OPCML: variants seen among roughly 807,000 people sequenced by gnomAD.
OPCML encodes opioid binding protein/cell adhesion molecule like, also known as opioid-binding protein/cell adhesion molecule.
Under a neutral mutation model 37.8 loss-of-function variants are expected in OPCML, and 13 were observed. The ratio of observed to expected loss-of-function variants is 0.34; its 90% confidence interval spans 0.22 to 0.55. The LOEUF is 0.55. Ranked by LOEUF, OPCML falls within the 20% of genes least tolerant of loss-of-function variation. The pLI is 0.91. For missense variants in OPCML, 341 were observed against 435.6 expected, an observed-to-expected ratio of 0.78 and a Z score of 1.93; for synonymous variants, 176 against 168.8, an observed-to-expected ratio of 1.04 and a Z score of -0.33.
intron 2 of OPCML, among the ~76,000 whole-genome samples, chr11:132,851,061 G>A (rs1233946980): frequency 1.3e-5 from 2 of 152,170 alleles, no homozygotes; most frequent in Non-Finnish European, 2.9e-5. Flanking sequence ...ACCTCTAATT[G>A]AAATGTAGCA....
chr11:132,497,887 A>T (rs1469138461), intron 4 of OPCML, among the ~76,000 whole-genome samples: 3 of 152,138 alleles, frequency 2.0e-5, no homozygotes, highest in East Asian at 3.9e-4. Context: ...ACTTTTTTAA[A>T]TTTTTTTAAA....
At chr11:132,724,771 T>C (rs1430000544) in intron 2 of OPCML, among the ~76,000 whole-genome samples, 2 of 152,170 alleles carry the variant, frequency 1.3e-5, no homozygotes, top group African/African-American at 4.8e-5. Flanking sequence ...AATACAGCCA[T>C]TCCAAACGGA....
intron 2 of OPCML, among the ~76,000 whole-genome samples, chr11:132,756,321 T>C (rs73601336): frequency 0.02 from 3,084 of 152,226 alleles, 84 homozygotes; most frequent in African/African-American, 0.068. Flanking sequence ...AGATGAGAAA[T>C]AACTGAAGAC....
intron 1 of OPCML, among the ~76,000 whole-genome samples, chr11:133,243,455 T>A (rs1940805108): frequency 2.0e-5 from 3 of 152,164 alleles, no homozygotes; most frequent in African/African-American, 7.2e-5. Flanking sequence ...CATTTATTCT[T>A]CCAGGTGCAA....
At chr11:132,822,927 A>C (rs979818830) in intron 2 of OPCML, among the ~76,000 whole-genome samples, 1 of 152,196 alleles carries the variant, frequency 6.6e-6, no homozygotes, top group African/African-American at 2.4e-5. Flanking sequence ...TGAAGACTAT[A>C]ATCATATCCA....
chr11:133,000,093 G>A (rs1446751516), intron 1 of OPCML, among the ~76,000 whole-genome samples: 1 of 152,188 alleles, frequency 6.6e-6, no homozygotes, highest in Non-Finnish European at 1.5e-5. Context: ...GTCTCACTCT[G>A]TTGGCCAGGC....
chr11:132,984,363 A>G (rs974584740), intron 1 of OPCML, among the ~76,000 whole-genome samples: 1 of 152,226 alleles, frequency 6.6e-6, no homozygotes, highest in Non-Finnish European at 1.5e-5. Context: ...TATGTTATAT[A>G]TTCCTCAGTA....
At chr11:133,479,990 A>C (rs1260166143) in intron 1 of OPCML, among the ~76,000 whole-genome samples, 1 of 152,192 alleles carries the variant, frequency 6.6e-6, no homozygotes, top group Non-Finnish European at 1.5e-5. Flanking sequence ...CAAAATCAAG[A>C]AAAAGGGGAA....
intron 1 of OPCML, among the ~76,000 whole-genome samples, chr11:133,366,582 G>A (rs1318182142): frequency 1.3e-5 from 2 of 152,148 alleles, no homozygotes; most frequent in East Asian, 3.9e-4. Context: ...ATCCCTTCAT[G>A]ATGGGGAGAA....
chr11:132,891,226 C>G (rs1182693637), intron 2 of OPCML, among the ~76,000 whole-genome samples: 1 of 152,072 alleles, frequency 6.6e-6, no homozygotes, highest in African/African-American at 2.4e-5. Flanking sequence ...GTTCAAGTGT[C>G]AACTTCACTG....
intron 1 of OPCML, among the ~76,000 whole-genome samples, chr11:133,099,589 A>AT (rs2137069401): frequency 6.6e-6 from 1 of 151,668 alleles, no homozygotes; most frequent in South Asian, 2.1e-4. Flanking sequence ...GCCTGGCCTG[A>AT]TTTTTTAATA....
intron 1 of OPCML, among the ~76,000 whole-genome samples, chr11:133,091,860 G>A (rs1323120695): frequency 3.9e-5 from 6 of 152,072 alleles, no homozygotes; most frequent in Admixed American, 2.6e-4. Context: ...ATGCTGAAAT[G>A]CATTAAGACT....
intron 3 of OPCML, among the ~76,000 whole-genome samples, chr11:132,576,827 C>A (rs2096452100): frequency 6.6e-6 from 1 of 152,114 alleles, no homozygotes; most frequent in Non-Finnish European, 1.5e-5. Flanking sequence ...AAGCAGACAG[C>A]TGTGTTTCTG....
chr11:132,435,296 G>T (rs1329819618), intron 7 of OPCML: 1 of 1,270,228 alleles, frequency 7.9e-7, no homozygotes, highest in Non-Finnish European at 1.0e-6. Flanking sequence ...AGTGCTGAAA[G>T]CTTGTGTCTG....
intron 1 of OPCML, among the ~76,000 whole-genome samples, chr11:133,396,203 C>T (rs2136824542): frequency 6.6e-6 from 1 of 151,568 alleles, no homozygotes; most frequent in South Asian, 2.1e-4. Context: ...TAGAGAAATG[C>T]TACTGATTTG....
In OPCML at chr11:133,119,043, G is replaced by T. The variant is rs570686987; in HGVS notation, c.62-176033C>A. Among the ~76,000 whole-genome samples, 3 of 152,308 alleles carry T rather than the reference G, an allele frequency of 2.0e-5. No individual in the cohort carries two copies. In the South Asian group the frequency reaches 6.2e-4, roughly 32 times the overall value. On this transcript the variant is annotated intron_variant, in intron 1 of 7. Coordinates refer to ENST00000524381, the MANE Select transcript of OPCML (RefSeq NM_001012393.5). ...TCCTTTGGATAATCACTTTTTTAGA[G>T]GCCAACTGTGCATATAAATAGCACA...
intron 2 of OPCML, among the ~76,000 whole-genome samples, chr11:132,685,968 T>C (rs1943146037): frequency 6.6e-6 from 1 of 152,212 alleles, no homozygotes; most frequent in Non-Finnish European, 1.5e-5. Flanking sequence ...CCTCTATTAT[T>C]GTTCTGGTGG....
intron 1 of OPCML, among the ~76,000 whole-genome samples, chr11:133,070,533 G>C (rs1201063995): frequency 6.6e-6 from 1 of 152,188 alleles, no homozygotes; most frequent in Admixed American, 6.5e-5. Context: ...GGACGAAGGG[G>C]ACTGGCTACA....
intron 1 of OPCML, among the ~76,000 whole-genome samples, chr11:133,184,814 A>G (rs1938000481): frequency 6.6e-6 from 1 of 152,220 alleles, no homozygotes; most frequent in East Asian, 1.9e-4. Flanking sequence ...TACAGGATAT[A>G]TGGAAATCTT....
Sources: gnomAD v4.1 joint callset for allele counts (sites outside exome capture counted in the v4.1 genomes callset) on GRCh38, gnomAD v4.1.1 for gene constraint, MANE v1.5 for transcripts, NCBI Gene and HGNC (gene_info 2026-07-23, HGNC 2026-07-21) for gene names.